The following SH3YL1 variants were observed in gnomAD, a reference collection of about 807,000 sequenced individuals.
SH3YL1 encodes SH3 and SYLF domain containing 1.
In SH3YL1, 41 loss-of-function variants were observed where a neutral mutation model predicts 45.8. That is an observed-to-expected ratio of 0.89 (90% CI 0.70 to 1.16). The LOEUF is 1.16. Among genes scored for constraint, SH3YL1 ranks in the 50% most tolerant of loss-of-function variants. The pLI is 0.00. For synonymous variants in SH3YL1, 152 were observed against 151.4 expected, an observed-to-expected ratio of 1.00 and a Z score of -0.03; for missense variants, 389 against 409.6, an observed-to-expected ratio of 0.95 and a Z score of 0.43.
intron 1 of SH3YL1, among the ~76,000 whole-genome samples, chr2:254,719 C>T (rs1445175562): frequency 6.6e-6 from 1 of 152,154 alleles, no homozygotes; most frequent in East Asian, 1.9e-4. Flanking sequence ...AGGTAAGAAG[C>T]TACACACCTC....
intron 4 of SH3YL1, among the ~76,000 whole-genome samples, chr2:236,467 G>A (rs1242059978): frequency 1.3e-5 from 2 of 152,126 alleles, no homozygotes; most frequent in African/African-American, 4.8e-5. Flanking sequence ...AGTTGAAACA[G>A]TGCTGGCATG....
chr2:261,600 T>G (rs1165253551), intron 1 of SH3YL1, among the ~76,000 whole-genome samples: 1 of 152,188 alleles, frequency 6.6e-6, no homozygotes, highest in Non-Finnish European at 1.5e-5. Context: ...CAGCTTAAGA[T>G]CTGGAAATAA....
At chr2:251,584 T>C (rs867425742) in intron 2 of SH3YL1, among the ~76,000 whole-genome samples, 19 of 152,160 alleles carry the variant, frequency 1.2e-4, no homozygotes, top group Admixed American at 2.6e-4. Context: ...CTTGTTGAGT[T>C]TTCTTTAAGC....
intron 4 of SH3YL1, among the ~76,000 whole-genome samples, chr2:245,357 T>C (rs973735096): frequency 1.3e-5 from 2 of 152,236 alleles, no homozygotes; most frequent in Non-Finnish European, 2.9e-5. Flanking sequence ...CCATAGTTAA[T>C]TTCCATACTG....
At chr2:253,153 G>T in intron 1 of SH3YL1, 38 bp from the exon 2 acceptor site, 1 of 1,193,758 alleles carries the variant, frequency 8.4e-7, no homozygotes, top group Non-Finnish European at 1.2e-6. Context: ...GAAAAATTCT[G>T]CTAAATAGAA....
At chr2:224,371 T>A (rs1235142892) in intron 9 of SH3YL1, among the ~76,000 whole-genome samples, 1 of 152,194 alleles carries the variant, frequency 6.6e-6, no homozygotes, top group East Asian at 1.9e-4. Context: ...AAATATAAAA[T>A]TTATGGTGCT....
At chr2:241,785 T>C (rs1471082656) in intron 4 of SH3YL1, 2 of 152,052 alleles carry the variant, frequency 1.3e-5, no homozygotes, top group Non-Finnish European at 2.9e-5. Context: ...AATCTTATAA[T>C]CAGCAAAAGT....
chr2:252,909 T>C (rs1161571033), intron 2 of SH3YL1, 96 bp downstream of exon 2: 2 of 704,602 alleles, frequency 2.8e-6, no homozygotes, highest in Non-Finnish European at 4.8e-6. Flanking sequence ...TTGGCATTGA[T>C]GGAGGCTTCT....
intron 4 of SH3YL1, among the ~76,000 whole-genome samples, chr2:243,148 C>CA (rs1186952179): frequency 6.6e-6 from 1 of 152,078 alleles, no homozygotes; most frequent in African/African-American, 2.4e-5. Flanking sequence ...GGATATGGAA[C>CA]AACTAAACAA....
At chr2:233,798 A>G (rs1489048372) in intron 5 of SH3YL1, among the ~76,000 whole-genome samples, 1 of 152,212 alleles carries the variant, frequency 6.6e-6, no homozygotes, top group African/African-American at 2.4e-5. Context: ...TCCAATTTTT[A>G]TGATTTACTT....
chr2:264,134 C>T (rs888810725), upstream of SH3YL1: 2 of 1,198,054 alleles, frequency 1.7e-6, no homozygotes, highest in African/African-American at 1.6e-5. Flanking sequence ...GTGTACGTTT[C>T]GCGGGACAAA....
intron 4 of SH3YL1, among the ~76,000 whole-genome samples, chr2:236,838 T>C (rs546096864): frequency 6.6e-6 from 1 of 152,302 alleles, no homozygotes; most frequent in African/African-American, 2.4e-5. Context: ...GAGTTCCTGA[T>C]GCAAGTATGT....
At position 230,013 on chromosome 2, in the gene SH3YL1, C is replaced by A; in HGVS notation, c.734G>T (p.Arg245Ile). 1 of 1,610,162 alleles carries A rather than the reference C, an allele frequency of 6.2e-7. No individual in the cohort carries two copies. The highest frequency in any genetic ancestry group is 1.1e-5 in the South Asian group (1 of 90,324). ...AKELPPKPLSRPQQSSAPVQL... is the reference protein window; with the variant it reads ...AKELPPKPLSIPQQSSAPVQL... ...GACTGGTGCAGATGACTGCTGTGGT[C>A]TTGACAATGGCTTTGGAGGTAATTC... Residue 245 changes from arginine (R) to isoleucine (I), a missense_variant, in exon 8 of 10, where the codon AGA becomes ATA. Coordinates refer to ENST00000356150, the MANE Select transcript of SH3YL1 (RefSeq NM_015677.4).
At chr2:254,429 G>A (rs1048983191) in intron 1 of SH3YL1, among the ~76,000 whole-genome samples, 7 of 152,200 alleles carry the variant, frequency 4.6e-5, no homozygotes, top group Non-Finnish European at 8.8e-5. Flanking sequence ...GACCACAAGT[G>A]CCCTGAGGCT....
chr2:230,260 G>A, intron 7 of SH3YL1: 1 of 368,272 alleles, frequency 2.7e-6, no homozygotes, highest in Non-Finnish European at 4.9e-6. Context: ...TCTCATGCCT[G>A]GAAGCTAACC....
intron 4 of SH3YL1, chr2:240,515 A>ATTGGTGG (rs1668496930): frequency 6.6e-6 from 1 of 152,216 alleles, no homozygotes; most frequent in South Asian, 2.1e-4. Flanking sequence ...AAGCTAAACC[A>ATTGGTGG]TTGGTGGTCT....
intron 1 of SH3YL1, chr2:263,690 C>G: frequency 2.6e-6 from 1 of 387,788 alleles, no homozygotes; most frequent in Non-Finnish European, 4.6e-6. Context: ...TCGCTGACAC[C>G]TCGCCGTTCA....
chr2:235,898 T>G (rs558673308), intron 4 of SH3YL1, among the ~76,000 whole-genome samples: 1 of 10,926 alleles, frequency 9.2e-5, no homozygotes, highest in Non-Finnish European at 1.8e-4. Context: ...GCAGCATGGG[T>G]CAGGGGAGGC....
intron 4 of SH3YL1, among the ~76,000 whole-genome samples, chr2:244,011 A>G (rs1387814887): frequency 6.6e-6 from 1 of 152,146 alleles, no homozygotes; most frequent in Non-Finnish European, 1.5e-5. Context: ...GACAGACTAC[A>G]GGGAACTCTG....
Sources: gnomAD v4.1 joint callset for allele counts (sites outside exome capture counted in the v4.1 genomes callset) on GRCh38, gnomAD v4.1.1 for gene constraint, MANE v1.5 for transcripts, NCBI Gene and HGNC (gene_info 2026-07-23, HGNC 2026-07-21) for gene names.